Variants in PARP16 observed in about 807,000 individuals in gnomAD.
PARP16 encodes poly(ADP-ribose) polymerase family member 16.
Under a neutral mutation model 35.0 loss-of-function variants are expected in PARP16, and 31 were observed. That is an observed-to-expected ratio of 0.88 (90% CI 0.66 to 1.19). The LOEUF (loss-of-function observed/expected upper bound fraction) is 1.19, where lower values mean the gene tolerates loss of function less well. PARP16 is among the 50% of genes most tolerant of loss of function. The pLI, the probability that PARP16 is intolerant of heterozygous loss-of-function variation, is 0.00. For synonymous variants in PARP16, 162 were observed against 169.5 expected, an observed-to-expected ratio of 0.96 and a Z score of 0.34; for missense variants, 424 against 411.2, an observed-to-expected ratio of 1.03 and a Z score of -0.27.
intron 2 of PARP16, among the ~76,000 whole-genome samples, chr15:65,249,816 G>C (rs1038836778): frequency 6.6e-6 from 1 of 152,250 alleles, no homozygotes; most frequent in Non-Finnish European, 1.5e-5. Flanking sequence ...AGTGCCATGT[G>C]TGCCTCTGGG....
chr15:65,285,048 T>TC (rs1383995380), intron 1 of PARP16, among the ~76,000 whole-genome samples: 1 of 151,996 alleles, frequency 6.6e-6, no homozygotes, highest in East Asian at 1.9e-4. Flanking sequence ...CTTCCCAAAG[T>TC]CCTTGGGATT....
intron 2 of PARP16, among the ~76,000 whole-genome samples, chr15:65,267,722 T>C (rs1179071038): frequency 1.3e-4 from 13 of 101,010 alleles, no homozygotes; most frequent in Admixed American, 2.9e-4. Flanking sequence ...AGTCTCGCTC[T>C]GTCGCCCAGG....
intron 3 of PARP16, 111 bp from the exon 4 acceptor site, chr15:65,263,431 C>A (rs1309151133): frequency 2.4e-6 from 2 of 838,476 alleles, no homozygotes; most frequent in Non-Finnish European, 3.6e-6. Context: ...ATGTACAACC[C>A]CCGCTTTTTG....
chr15:65,281,804 C>A (rs931111230), intron 1 of PARP16, among the ~76,000 whole-genome samples: 7 of 152,006 alleles, frequency 4.6e-5, no homozygotes, highest in Admixed American at 4.6e-4. Flanking sequence ...CTAGATCAGA[C>A]CTAAAGCCAA....
At chr15:65,232,741 A>C (rs1417792042), downstream of PARP16, among the ~76,000 whole-genome samples, 1 of 152,104 alleles carries the variant, frequency 6.6e-6, no homozygotes, top group Admixed American at 6.6e-5. Flanking sequence ...CATTCTCCAC[A>C]AAAAGAAAAA....
rs1305819020 is a variant in PARP16 at position 65,258,500 on chromosome 15, A to G, written c.*907T>C. On this transcript the variant is annotated 3_prime_UTR_variant, in exon 6 of 6. Transcript: ENST00000649807. ...CGTGGTTGCAGGCCACAGTCAAGGC[A>G]GCTTTGTGAGAATGAGAACAGGAGG... 1 of 152,300 alleles carries G rather than the reference A, an allele frequency of 6.6e-6. No homozygotes were observed. Among genetic ancestry groups the G allele is most frequent in the Non-Finnish European group, 1.5e-5 (1 of 68,062 alleles). The allele number at this position is 152,300 out of a possible 1,614,324, so 9.4% of individuals were successfully genotyped here.
chr15:65,255,831 T>C (rs573900289), downstream of PARP16, among the ~76,000 whole-genome samples: 12 of 151,196 alleles, frequency 7.9e-5, no homozygotes, highest in African/African-American at 2.9e-4. Context: ...TCCTCAGCCC[T>C]GCTCTGTAGC....
intron 2 of PARP16, among the ~76,000 whole-genome samples, chr15:65,252,070 C>T (rs2089377971): frequency 6.6e-6 from 1 of 152,186 alleles, no homozygotes; most frequent in African/African-American, 2.4e-5. Flanking sequence ...GGCCCACATG[C>T]CTAGGTTTGA....
At position 65,238,517 on chromosome 15, in the gene PARP16, A is replaced by G. The variant is rs777149444; in HGVS notation, c.*98-3694T>C. The stretch of plus-strand genomic sequence containing the variant: ...CCTCATGCAGTTTATCCAAACTGCT[A>G]GCAAGTCTTGTCTTGTTGTTTAGGT... On this transcript the variant is annotated intron_variant and NMD_transcript_variant, in intron 3 of 3. Transcript: ENST00000559805. Among the ~76,000 whole-genome samples, 56 of 152,240 alleles carry G rather than the reference A, an allele frequency of 3.7e-4. 1 individual carries two copies. Among genetic ancestry groups the G allele is most frequent in the Middle Eastern group, 6.8e-3 (2 of 294 alleles).
At position 65,266,717 on chromosome 15, in the gene PARP16, G is replaced by A. The variant is rs1348150202; in HGVS notation, c.364C>T (p.Pro122Ser). ...TACTCAATTTCAAACAGGAAGTCCG[G>A]TGCAGGAACAGGCGTGTGAGGAGCC... ...TGAPHTPVPA[P>S]DFLFEIEYFD... The change falls in exon 3 of 6, where the codon CCG becomes TCG. Residue 122 changes from proline to serine, a missense_variant. Pro to Ser is a moderately conservative substitution (Grantham distance 74). Transcript: ENST00000649807. The A allele has an allele frequency of 1.2e-6, 2 of 1,614,134 alleles. No individual in the cohort carries two copies. The highest frequency in any genetic ancestry group is 2.2e-5 in the South Asian group (2 of 91,082).
chr15:65,240,322 TA>T (rs1567008541), intron 3 of PARP16, among the ~76,000 whole-genome samples: 5 of 45,984 alleles, frequency 1.1e-4, no homozygotes, highest in Non-Finnish European at 1.7e-4. Context: ...TGGGGGGGGC[TA>T]GTGTGTGTGT....
chr15:65,283,695 T>C (rs571657499), intron 1 of PARP16, among the ~76,000 whole-genome samples: 2 of 152,214 alleles, frequency 1.3e-5, no homozygotes, highest in Non-Finnish European at 2.9e-5. Flanking sequence ...GTCCTTGCTC[T>C]GGGCTTCCAT....
chr15:65,261,991 T>G (rs774581761), intron 4 of PARP16, among the ~76,000 whole-genome samples: 2 of 152,200 alleles, frequency 1.3e-5, no homozygotes, highest in African/African-American at 4.8e-5. Flanking sequence ...GAATTATAAA[T>G]GCAAATATCC....
At chr15:65,256,858 C>G (rs966917687), downstream of PARP16, among the ~76,000 whole-genome samples, 4 of 152,198 alleles carry the variant, frequency 2.6e-5, no homozygotes, top group East Asian at 1.9e-4. Flanking sequence ...GCCTGAAACA[C>G]TTTTCCTCCA....
chr15:65,275,440 G>T (rs1269484592), intron 1 of PARP16, among the ~76,000 whole-genome samples: 1 of 152,054 alleles, frequency 6.6e-6, no homozygotes, highest in African/African-American at 2.4e-5. Context: ...ACATAATTGG[G>T]ATAATATCAG....
chr15:65,259,324 G>A lies in PARP16; in HGVS notation c.*83C>T. 7.0e-7 allele frequency: 1 copy of A among 1,434,142 alleles called. No homozygotes were observed. Among genetic ancestry groups the A allele is most frequent in the Non-Finnish European group, 9.7e-7 (1 of 1,028,052 alleles). The allele number at this position is 1,434,142 out of a possible 1,614,324, so 88.8% of individuals were successfully genotyped here. On this transcript the variant is annotated 3_prime_UTR_variant, in exon 6 of 6. Transcript: ENST00000649807. Reference sequence around the variant, plus strand: ...CCAACTGGCCCCTAGGCTCAACCTGGCTGGACATGAGGCATAGGAGGTACA... The same window carrying A: ...CCAACTGGCCCCTAGGCTCAACCTGACTGGACATGAGGCATAGGAGGTACA...
At chr15:65,252,689 C>T (rs1207483126) in intron 2 of PARP16, among the ~76,000 whole-genome samples, 1 of 152,224 alleles carries the variant, frequency 6.6e-6, no homozygotes, top group Non-Finnish European at 1.5e-5. Flanking sequence ...CCTTGAATCC[C>T]TAGTGATTTC....
chr15:65,277,620 A>G (rs1353035277), intron 1 of PARP16, among the ~76,000 whole-genome samples: 1 of 152,240 alleles, frequency 6.6e-6, no homozygotes, highest in South Asian at 2.1e-4. Flanking sequence ...AGGGGCACAC[A>G]GCTATTCAGT....
At chr15:65,263,843 C>A (rs752513974) in intron 3 of PARP16, among the ~76,000 whole-genome samples, 2 of 152,056 alleles carry the variant, frequency 1.3e-5, no homozygotes, top group East Asian at 3.8e-4. Context: ...TAAAGTAATT[C>A]CTGTTACATG....
Sources: gnomAD v4.1 joint callset for allele counts (sites outside exome capture counted in the v4.1 genomes callset) on GRCh38, gnomAD v4.1.1 for gene constraint, MANE v1.5 for transcripts, NCBI Gene and HGNC (gene_info 2026-07-23, HGNC 2026-07-21) for gene names.